Variants in SLMAP observed in about 807,000 individuals in gnomAD.
The protein encoded by SLMAP is sarcolemma associated protein.
Under a neutral mutation model 128.8 loss-of-function variants are expected in SLMAP, and 44 were observed. The observed-to-expected ratio is 0.34, with a 90% confidence interval of 0.27 to 0.44. The LOEUF is 0.44. Ranked by LOEUF, SLMAP falls within the 20% of genes least tolerant of loss-of-function variation. The pLI is 1.00. For missense variants in SLMAP, 787 were observed against 985.3 expected (o/e 0.80, Z 2.69); for synonymous variants, 327 against 348.8 (o/e 0.94, Z 0.70).
intron 2 of SLMAP, among the ~76,000 whole-genome samples, chr3:57,808,531 C>T (rs1258993590): frequency 6.6e-6 from 1 of 152,168 alleles, no homozygotes; most frequent in African/African-American, 2.4e-5. Context: ...CATTCAGGAG[C>T]AGGCTATTCA....
intron 19 of SLMAP, among the ~76,000 whole-genome samples, chr3:57,910,092 C>T (rs779804060): frequency 5.9e-5 from 9 of 152,086 alleles, no homozygotes; most frequent in Non-Finnish European, 1.0e-4. Context: ...AGCTACTCTG[C>T]GTCAGCACTT....
chr3:57,842,163 T>C (rs189963723), intron 4 of SLMAP, among the ~76,000 whole-genome samples: 2 of 152,082 alleles, frequency 1.3e-5, no homozygotes, highest in East Asian at 1.9e-4. Flanking sequence ...AAGTAGAGCA[T>C]TGAATAGGAA....
intron 4 of SLMAP, among the ~76,000 whole-genome samples, chr3:57,845,264 T>C (rs775261893): frequency 4.5e-4 from 69 of 152,242 alleles, no homozygotes; most frequent in Non-Finnish European, 8.5e-4. Flanking sequence ...TAGGTCATAG[T>C]TCCTGAGAAC....
At chr3:57,842,654 G>A (rs1258217442) in intron 4 of SLMAP, among the ~76,000 whole-genome samples, 2 of 152,100 alleles carry the variant, frequency 1.3e-5, no homozygotes, top group African/African-American at 4.8e-5. Context: ...AGTAGAACTT[G>A]TAAATTTTTT....
chr3:57,847,253 T>A lies in SLMAP; in HGVS notation c.456+20T>A. ...GACAAAGTAAGTTGCTAATGATTAT[T>A]TTTTCCAAACTGACTCAGCTATGTT... On this transcript the variant is annotated intron_variant, in intron 5 of 24. Transcript: ENST00000671191. 6.3e-7 allele frequency: 1 copy of A among 1,597,044 alleles called. No homozygotes were observed. Among genetic ancestry groups the A allele is most frequent in the Non-Finnish European group, 8.6e-7 (1 of 1,165,950 alleles).
intron 14 of SLMAP, among the ~76,000 whole-genome samples, chr3:57,875,795 T>A (rs758679307): frequency 5.3e-5 from 8 of 152,250 alleles, no homozygotes; most frequent in South Asian, 2.1e-4. Flanking sequence ...TGGTTTGACT[T>A]GTCAGAAGGG....
chr3:57,869,023 G>A (rs954302156), intron 13 of SLMAP, among the ~76,000 whole-genome samples: 1 of 133,324 alleles, frequency 7.5e-6, no homozygotes, highest in Non-Finnish European at 1.6e-5. Context: ...TATTATATGT[G>A]TATTATATAT....
chr3:57,806,748 A>G (rs1209728059), intron 2 of SLMAP, among the ~76,000 whole-genome samples: 1 of 152,104 alleles, frequency 6.6e-6, no homozygotes, highest in East Asian at 1.9e-4. Flanking sequence ...ACCACATTTT[A>G]TTTATCCAAT....
chr3:57,774,657 G>A (rs2081473388), intron 2 of SLMAP, among the ~76,000 whole-genome samples: 1 of 151,582 alleles, frequency 6.6e-6, no homozygotes, highest in Non-Finnish European at 1.5e-5. Context: ...CCCATGTAGC[G>A]GGCATTACAG....
At position 57,923,028 on chromosome 3, in the gene SLMAP, G is replaced by A; in HGVS notation, c.2445+5G>A. On this transcript the variant is annotated splice_donor_5th_base_variant and intron_variant, in intron 23 of 24. Coordinates refer to ENST00000671191, the MANE Select transcript of SLMAP (RefSeq NM_001377540.1). ...CTCCGAGAGAAAGGAAATAATGTAA[G>A]TCTTTGCAAACTTGGCTTAGCTTTG... is the stretch of plus-strand genomic sequence containing the variant. The A allele has an allele frequency of 6.2e-7, 1 of 1,612,698 alleles. No individual in the cohort carries two copies. The highest frequency in any genetic ancestry group is 8.5e-7 in the Non-Finnish European group (1 of 1,179,522).
intron 24 of SLMAP, 38 bp from the exon 25 acceptor site, chr3:57,927,258 G>A (rs367838625): frequency 2.4e-4 from 332 of 1,366,072 alleles, no homozygotes; most frequent in Non-Finnish European, 3.3e-4. Flanking sequence ...AAAGAGAGGG[G>A]AGAATGTGAT....
chr3:57,757,687 G>A lies in SLMAP; in HGVS notation c.36G>A (p.Pro12=). Reference sequence around the variant, plus strand: ...CCTTGGCCATCTTCACTTGCCGCCCGAACTCGCACCCGTTTCAGGAGCGTC... The same window carrying A: ...CCTTGGCCATCTTCACTTGCCGCCCAAACTCGCACCCGTTTCAGGAGCGTC... ...PSALAIFTCR[P]NSHPFQERHV... Residue 12 remains proline, a synonymous_variant, in exon 2 of 25, where the codon CCG becomes CCA. Transcript: ENST00000671191. 2 of 1,614,082 alleles carry A rather than the reference G, an allele frequency of 1.2e-6. No individual in the cohort carries two copies. Among genetic ancestry groups the A allele is most frequent in the Non-Finnish European group, 1.7e-6 (2 of 1,180,032 alleles).
intron 14 of SLMAP, among the ~76,000 whole-genome samples, chr3:57,874,241 A>C (rs191955308): frequency 2.0e-3 from 302 of 152,292 alleles, no homozygotes; most frequent in African/African-American, 6.6e-3. Flanking sequence ...CCAGTGAGCT[A>C]TAGTTGTGCC....
At chr3:57,838,638 C>G (rs1002183263) in intron 3 of SLMAP, among the ~76,000 whole-genome samples, 1 of 140,598 alleles carries the variant, frequency 7.1e-6, no homozygotes, top group African/African-American at 2.5e-5. Flanking sequence ...ATATAGGAGG[C>G]TCTGGGGACA....
intron 2 of SLMAP, among the ~76,000 whole-genome samples, chr3:57,772,879 A>G (rs1303985308): frequency 1.3e-5 from 2 of 152,022 alleles, no homozygotes; most frequent in African/African-American, 4.8e-5. Context: ...ACCTTAGGTG[A>G]TCCGCCCGCC....
At chr3:57,857,568 C>CG (rs1482389805) in intron 6 of SLMAP, among the ~76,000 whole-genome samples, 165 bp from the exon 7 acceptor site, 2 of 152,076 alleles carry the variant, frequency 1.3e-5, no homozygotes, top group Non-Finnish European at 2.9e-5. Flanking sequence ...CAGAGATAAG[C>CG]GGGGACTGCT....
intron 2 of SLMAP, among the ~76,000 whole-genome samples, chr3:57,793,211 A>G (rs1402593799): frequency 6.6e-6 from 1 of 152,010 alleles, no homozygotes; most frequent in Non-Finnish European, 1.5e-5. Context: ...ACAGGCTTAC[A>G]CCCCTACACC....
intron 2 of SLMAP, among the ~76,000 whole-genome samples, chr3:57,766,103 A>G (rs893036690): frequency 7.1e-6 from 1 of 139,942 alleles, no homozygotes; most frequent in Non-Finnish European, 1.5e-5. Context: ...GGTTCACGCC[A>G]TTCTCCTGTC....
intron 2 of SLMAP, among the ~76,000 whole-genome samples, chr3:57,817,052 C>G (rs2091944351): frequency 6.6e-6 from 1 of 152,118 alleles, no homozygotes. Context: ...AGCTCTTGGA[C>G]TTGATTTTGA....
Sources: allele counts gnomAD v4.1 joint callset (sites outside exome capture counted in the v4.1 genomes callset), GRCh38; gene constraint gnomAD v4.1.1; transcripts MANE v1.5; gene names NCBI Gene and HGNC (gene_info 2026-07-23, HGNC 2026-07-21).